The following ASAP3 variants were observed in gnomAD, a reference collection of about 807,000 sequenced individuals.
ASAP3 encodes arf-GAP with SH3 domain, ANK repeat and PH domain-containing protein 3.
ASAP3 carries 85 observed loss-of-function variants against 118.2 expected under a neutral mutation model. That is an observed-to-expected ratio of 0.72 (90% CI 0.60 to 0.86). The LOEUF is 0.86. Ranked by LOEUF, ASAP3 falls within the 40% of genes least tolerant of loss-of-function variation. The probability of loss-of-function intolerance (pLI) is 0.00; values close to 1 mark genes in which losing one functional copy is unlikely to be tolerated. For missense variants in ASAP3, 1,026 were observed against 1,175.0 expected (o/e 0.87, Z 1.85); for synonymous variants, 432 against 477.4 (o/e 0.90, Z 1.24).
intron 10 of ASAP3, 74 bp downstream of exon 10, chr1:23,441,028 G>A (rs1640853896): frequency 7.3e-7 from 1 of 1,367,198 alleles, no homozygotes; most frequent in Non-Finnish European, 1.0e-6. Context: ...CAGTTCCTTT[G>A]GGCAGCTTCC....
At chr1:23,431,198 G>C in intron 23 of ASAP3, 73 bp from the exon 24 acceptor site, 1 of 1,457,440 alleles carries the variant, frequency 6.9e-7, no homozygotes, top group African/African-American at 1.4e-5. Context: ...AAGGGCTCAG[G>C]AACAGAGCCA....
chr1:23,457,367 T>A (rs960109267), intron 1 of ASAP3, among the ~76,000 whole-genome samples: 36 of 152,264 alleles, frequency 2.4e-4, no homozygotes, highest in African/African-American at 7.9e-4. Context: ...AGATTCAAAA[T>A]GATACCCACA....
intron 23 of ASAP3, 114 bp downstream of exon 23, chr1:23,431,582 G>T: frequency 9.7e-7 from 1 of 1,025,768 alleles, no homozygotes; most frequent in Non-Finnish European, 1.4e-6. Context: ...GATGGGCCCA[G>T]AGATGGCGTG....
intron 1 of ASAP3, among the ~76,000 whole-genome samples, chr1:23,460,506 C>CAAAAAAAAAAAAAAAA (rs71023213): frequency 3.5e-5 from 3 of 84,784 alleles, no homozygotes; most frequent in African/African-American, 4.8e-5. Context: ...GACTCCATCT[C>CAAAAAAAAAAAAAAAA]AAAAAAAAAA....
chr1:23,447,357 T>C (rs947799276), intron 5 of ASAP3, among the ~76,000 whole-genome samples: 1 of 152,192 alleles, frequency 6.6e-6, no homozygotes, highest in Non-Finnish European at 1.5e-5. Context: ...TTATTACTAT[T>C]ATTGTTCATC....
intron 10 of ASAP3, 60 bp from the exon 11 acceptor site, chr1:23,439,290 C>CA: frequency 2.0e-6 from 3 of 1,530,540 alleles, no homozygotes; most frequent in South Asian, 1.1e-5. Context: ...TCGCAGGTGT[C>CA]AGAGAACAGA....
chr1:23,462,321 GC>G, intron 1 of ASAP3, among the ~76,000 whole-genome samples: 1 of 151,726 alleles, frequency 6.6e-6, no homozygotes, highest in East Asian at 2.0e-4. Flanking sequence ...ACCGCGCCCG[GC>G]CACAAACTGT....
Position 23,437,113 on chromosome 1 carries a change from C to G in ASAP3, c.1342+17G>C. ...CTCCACTTAAGCCTCCCTCCTGCCC[C>G]GGCCCCGGGGACCGACCTGCAGCCC... On this transcript the variant is annotated intron_variant, in intron 14 of 24. Transcript: ENST00000336689. The surrounding 1 kb of genome is among the most constrained non-coding windows in gnomAD (Gnocchi z 6.1). The G allele has an allele frequency of 6.2e-7, 1 of 1,600,954 alleles. No homozygotes were observed. The highest frequency in any genetic ancestry group is 8.5e-7 in the Non-Finnish European group (1 of 1,173,408).
chr1:23,482,674 C>T (rs564962482), intron 1 of ASAP3, among the ~76,000 whole-genome samples: 107 of 152,008 alleles, frequency 7.0e-4, no homozygotes, highest in African/African-American at 9.2e-4. Context: ...CCTTGGCCGG[C>T]GCGGTGGCTC....
At chr1:23,470,213 G>A (rs543912603) in intron 1 of ASAP3, among the ~76,000 whole-genome samples, 4 of 152,262 alleles carry the variant, frequency 2.6e-5, no homozygotes, top group African/African-American at 9.6e-5. Context: ...TCCCCTTCCA[G>A]GCCAAAGCGC....
chr1:23,452,696 C>T lies in ASAP3; in HGVS notation c.423+1G>A. On this transcript the variant is annotated splice_donor_variant, in intron 4 of 24. Transcript: ENST00000336689. LOFTEE classifies it high-confidence loss of function. Reference sequence around the variant, plus strand: ...CCACCACTCCCAGCATGGAGACTCACCTGTCGACCGTCCCTCAGCTGCCCC... The same window carrying T: ...CCACCACTCCCAGCATGGAGACTCATCTGTCGACCGTCCCTCAGCTGCCCC... 4.3e-6 allele frequency: 7 copies of T among 1,613,690 alleles called. No individual in the cohort carries two copies. Among genetic ancestry groups the T allele is most frequent in the Non-Finnish European group, 5.1e-6 (6 of 1,179,808 alleles).
intron 5 of ASAP3, among the ~76,000 whole-genome samples, chr1:23,446,951 A>G (rs1024685845): frequency 6.6e-6 from 1 of 152,144 alleles, no homozygotes; most frequent in Non-Finnish European, 1.5e-5. Flanking sequence ...TTTGGGATGG[A>G]ACTGTTCCAG....
At chr1:23,480,780 C>T (rs1284357523) in intron 1 of ASAP3, among the ~76,000 whole-genome samples, 1 of 152,124 alleles carries the variant, frequency 6.6e-6, no homozygotes, top group Non-Finnish European at 1.5e-5. Flanking sequence ...GCCCTAGGCC[C>T]GGTTTCACCT....
In ASAP3 at chr1:23,431,093, G is replaced by A. The variant is rs749012817; in HGVS notation, c.2579C>T (p.Ala860Val). Residue 860 changes from alanine to valine, a missense_variant, in exon 24 of 25, where the codon GCG becomes GTG. Transcript: ENST00000336689. ...SESTRSYRRG[A>V]RSPEDGPSAR... The stretch of plus-strand genomic sequence containing the variant: ...TGAGGGACCATCTTCAGGGCTCCGC[G>A]CCCCCCGCCGATAGGAGCGAGTGCT... 4.6e-5 allele frequency: 72 copies of A among 1,552,672 alleles called. No individual in the cohort carries two copies. The South Asian group carries it at 5.6e-4, about 12-fold the overall frequency.
intron 7 of ASAP3, 41 bp downstream of exon 7, chr1:23,442,145 C>T (rs1226498079): frequency 1.3e-6 from 2 of 1,559,694 alleles, no homozygotes; most frequent in Non-Finnish European, 1.7e-6. Flanking sequence ...TGTTCTGTGA[C>T]ACTGGAAGGG....
intron 1 of ASAP3, among the ~76,000 whole-genome samples, chr1:23,459,225 T>C (rs935586263): frequency 1.5e-5 from 2 of 132,786 alleles, no homozygotes; most frequent in Non-Finnish European, 3.3e-5. Flanking sequence ...ATTTCCAAAA[T>C]CCCTAGAGGG....
At chr1:23,472,266 T>C (rs1641986374) in intron 1 of ASAP3, among the ~76,000 whole-genome samples, 1 of 152,194 alleles carries the variant, frequency 6.6e-6, no homozygotes, top group Non-Finnish European at 1.5e-5. Flanking sequence ...GAAATCTACC[T>C]AAAAGCAACC....
Position 23,429,940 on chromosome 1 carries a change from G to C in ASAP3, c.2638-10C>G. The C allele has an allele frequency of 6.2e-7, 1 of 1,613,108 alleles. No individual in the cohort carries two copies. The highest frequency in any genetic ancestry group is 8.5e-7 in the Non-Finnish European group (1 of 1,179,484). On this transcript the variant is annotated splice_polypyrimidine_tract_variant and intron_variant, in intron 24 of 24. Coordinates refer to ENST00000336689, the MANE Select transcript of ASAP3 (RefSeq NM_017707.4). Reference sequence around the variant, plus strand: ...CTTCAGTGATGCCAACCTGCAGAAAGAAGGATGAAACTGACATTTTCAAAG... The same window carrying C: ...CTTCAGTGATGCCAACCTGCAGAAACAAGGATGAAACTGACATTTTCAAAG...
chr1:23,463,606 A>T (rs1641665644), intron 1 of ASAP3, among the ~76,000 whole-genome samples: 3 of 151,826 alleles, frequency 2.0e-5, no homozygotes, highest in Admixed American at 6.6e-5. Flanking sequence ...TTATTTTTTT[A>T]TTTTTTTATT....
Sources: allele counts gnomAD v4.1 joint callset (sites outside exome capture counted in the v4.1 genomes callset), GRCh38; gene constraint gnomAD v4.1.1; non-coding constraint Gnocchi (gnomAD v3.1); transcripts MANE v1.5; gene names NCBI Gene and HGNC (gene_info 2026-07-23, HGNC 2026-07-21).